CTSH: variants seen among roughly 807,000 people sequenced by gnomAD.
CTSH encodes the protein cathepsin H.
In CTSH, 52 loss-of-function variants were observed where a neutral mutation model predicts 56.3. The observed-to-expected ratio is 0.92, with a 90% CI of 0.74 to 1.16. The LOEUF (loss-of-function observed/expected upper bound fraction) is 1.16. Among genes scored for constraint, CTSH ranks in the 50% most tolerant of loss-of-function variants. CTSH has a pLI of 0.00. For missense variants in CTSH, 406 were observed against 424.5 expected, an observed-to-expected ratio of 0.96 and a Z score of 0.38; for synonymous variants, 174 against 155.7, an observed-to-expected ratio of 1.12 and a Z score of -0.88.
At position 78,944,815 on chromosome 15, in the gene CTSH, C is replaced by T. The variant is rs142529123; in HGVS notation, c.91+76G>A. ...TGCCCCGTTCCTCCGGAGCCCAGTG[C>T]GCCCCTGGCCAAGTTCTCCCAGCGT... On this transcript the variant is annotated intron_variant, in intron 1 of 11. Coordinates refer to ENST00000220166, the MANE Select transcript of CTSH (RefSeq NM_004390.5). The T allele has an allele frequency of 2.4e-3, 3,524 of 1,470,624 alleles. 8 individuals carry two copies. Among genetic ancestry groups the T allele is most frequent in the Admixed American group, 7.8e-3 (347 of 44,422 alleles). The allele number at this position is 1,470,624 out of a possible 1,614,324, so 91.1% of individuals were successfully genotyped here. A position where few individuals can be genotyped will look rare whatever the true frequency, so the allele number is the denominator to read the frequency against.
Position 78,922,168 on chromosome 15 carries a change from G to A in CTSH, c.970C>T (p.Leu324=). The A allele has an allele frequency of 6.3e-7, 1 of 1,583,144 alleles. No homozygotes were observed. The highest frequency in any genetic ancestry group is 8.6e-7 in the Non-Finnish European group (1 of 1,165,440). The part of the protein sequence containing the change: ...LIERGKNMCG[L]AACASYPIPL... ...ATGGGGTAGGAGGCGCAGGCAGCCA[G>A]GCCACACATGTTCTTTCCGCGCTCG... Residue 324 remains leucine, a synonymous_variant, in exon 12 of 12, where the codon CTG becomes TTG. Coordinates refer to ENST00000220166, the MANE Select transcript of CTSH (RefSeq NM_004390.5).
At chr15:78,933,547 T>C in intron 5 of CTSH, 2 of 455,182 alleles carry the variant, frequency 4.4e-6, no homozygotes, top group South Asian at 3.1e-5. Context: ...CCTTCACATA[T>C]CTCTCTCAGC....
chr15:78,923,947 G>A (rs1056790342), intron 10 of CTSH, among the ~76,000 whole-genome samples: 24 of 152,084 alleles, frequency 1.6e-4, no homozygotes, highest in Non-Finnish European at 2.9e-4. Context: ...GCCAGGTGCC[G>A]GGATCCAGGC....
intron 5 of CTSH, among the ~76,000 whole-genome samples, chr15:78,934,644 A>G (rs992632149): frequency 6.6e-6 from 1 of 152,336 alleles, no homozygotes; most frequent in East Asian, 1.9e-4. Flanking sequence ...GAGGAGATGC[A>G]TGGGGTTCTG....
At chr15:78,931,946 C>T (rs1245500161) in intron 6 of CTSH, 3 of 1,171,832 alleles carry the variant, frequency 2.6e-6, no homozygotes, top group Non-Finnish European at 3.2e-6. Flanking sequence ...GAGGCAGGGG[C>T]TAGGATAGTT....
chr15:78,940,434 A>C lies in CTSH; in HGVS notation c.92-1263T>G, dbSNP rs143771662. ...CCTCGTCTCTACAAAAAAATAAAAA[A>C]AATTAGACGGGAGAATCACTTGAGC... On this transcript the variant is annotated intron_variant, in intron 1 of 11. Transcript: ENST00000220166. 1.2e-3 allele frequency among the ~76,000 whole-genome samples: 185 copies of C among 152,208 alleles called. No individual in the cohort carries two copies. The Middle Eastern group carries it at 0.014, about 11-fold the overall frequency.
chr15:78,932,419 C>T lies in CTSH; in HGVS notation c.445G>A (p.Ala149Thr). 1 of 1,614,044 alleles carries T rather than the reference C, an allele frequency of 6.2e-7. No individual in the cohort carries two copies. Among genetic ancestry groups the T allele is most frequent in the South Asian group, 1.1e-5 (1 of 91,076 alleles). Residue 149 changes from alanine (A) to threonine (T), a missense_variant, in exon 6 of 12, where the codon GCC becomes ACC. Ala to Thr is a moderately conservative substitution (Grantham distance 58). Coordinates refer to ENST00000220166, the MANE Select transcript of CTSH (RefSeq NM_004390.5). ...GSCWTFSTTG[A>T]LESAIAIATG... is the part of the protein sequence containing the mutation. ...GCGATGGCGATCGCAGACTCCAGGG[C>T]CCCAGTGGTGGAGAAAGTCCAGCAA... is the stretch of plus-strand genomic sequence containing the variant.
At chr15:78,939,551 T>C (rs565502339) in intron 1 of CTSH, among the ~76,000 whole-genome samples, 1 of 152,348 alleles carries the variant, frequency 6.6e-6, no homozygotes, top group South Asian at 2.1e-4. Context: ...TTTGTGCCCC[T>C]TTCTGTATGA....
chr15:78,935,786 GT>G, intron 3 of CTSH, 36 bp from the exon 4 acceptor site: 1 of 1,485,870 alleles, frequency 6.7e-7, no homozygotes, highest in Non-Finnish European at 9.4e-7. Context: ...AACAGAAATG[GT>G]TAGTGAATCA....
intron 9 of CTSH, chr15:78,927,491 C>CTCGA: frequency 1.7e-6 from 1 of 580,216 alleles, no homozygotes; most frequent in Non-Finnish European, 3.1e-6. Flanking sequence ...ATGTGTGGAT[C>CTCGA]TGGAGTTCAG....
chr15:78,941,858 G>A (rs2141558564), intron 1 of CTSH, among the ~76,000 whole-genome samples: 1 of 152,002 alleles, frequency 6.6e-6, no homozygotes, highest in African/African-American at 2.4e-5. Context: ...TGTCCCAACT[G>A]ATTAAAACAT....
At chr15:78,943,450 G>T (rs534076178) in intron 1 of CTSH, among the ~76,000 whole-genome samples, 1 of 152,158 alleles carries the variant, frequency 6.6e-6, no homozygotes, top group Admixed American at 6.5e-5. Flanking sequence ...GGCTGCTCTC[G>T]AACTCCTGAC....
intron 1 of CTSH, among the ~76,000 whole-genome samples, chr15:78,942,007 T>C (rs1263007577): frequency 1.3e-5 from 2 of 152,138 alleles, no homozygotes; most frequent in African/African-American, 2.4e-5. Flanking sequence ...TGAGTGAATA[T>C]TGTTTGGTTG....
intron 3 of CTSH, 56 bp from the exon 4 acceptor site, chr15:78,935,806 G>A: frequency 7.5e-7 from 1 of 1,334,680 alleles, no homozygotes; most frequent in Admixed American, 1.8e-5. Flanking sequence ...CACTAATGAA[G>A]AAACAAGAAA....
At chr15:78,942,154 CT>C (rs2055308274) in intron 1 of CTSH, among the ~76,000 whole-genome samples, 1 of 151,776 alleles carries the variant, frequency 6.6e-6, no homozygotes, top group Admixed American at 6.6e-5. Context: ...GCACTCCTTT[CT>C]GTGCATCCAA....
chr15:78,932,615 C>G (rs1489679043), intron 5 of CTSH, among the ~76,000 whole-genome samples, 157 bp from the exon 6 acceptor site: 3 of 151,234 alleles, frequency 2.0e-5, no homozygotes, highest in Admixed American at 6.6e-5. Context: ...CATTCTGAGC[C>G]TCGCAGGCCC....
At chr15:78,937,057 C>A in intron 3 of CTSH, 1 of 460,944 alleles carries the variant, frequency 2.2e-6, no homozygotes, top group Non-Finnish European at 3.9e-6. Flanking sequence ...GCTGGACCCT[C>A]AGATGGCAGG....
intron 5 of CTSH, chr15:78,933,543 C>T: frequency 2.2e-6 from 1 of 455,484 alleles, no homozygotes; most frequent in Non-Finnish European, 4.4e-6. Flanking sequence ...CTTCCCTTCA[C>T]ATATCTCTCT....
At chr15:78,939,877 C>T (rs748308065) in intron 1 of CTSH, among the ~76,000 whole-genome samples, 4 of 152,192 alleles carry the variant, frequency 2.6e-5, no homozygotes, top group South Asian at 2.1e-4. Context: ...AGAGAGACTC[C>T]GTCTCAAAAA....
Sources: gnomAD v4.1 joint callset for allele counts (sites outside exome capture counted in the v4.1 genomes callset) on GRCh38, gnomAD v4.1.1 for gene constraint, MANE v1.5 for transcripts, NCBI Gene and HGNC (gene_info 2026-07-23, HGNC 2026-07-21) for gene names.